RBMS3: variants seen among roughly 807,000 people sequenced by gnomAD.
RBMS3 encodes RNA-binding motif, single-stranded-interacting protein 3.
Under a neutral mutation model 66.8 loss-of-function variants are expected in RBMS3, and 27 were observed. The ratio of observed to expected loss-of-function variants is 0.40; its 90% CI spans 0.30 to 0.56. The LOEUF (loss-of-function observed/expected upper bound fraction) is 0.56, where lower values mean the gene tolerates loss of function less well. Among genes scored for constraint, RBMS3 ranks in the 20% least tolerant of loss-of-function variants. The probability of loss-of-function intolerance (pLI) is 0.40; values close to 1 mark genes in which losing one functional copy is unlikely to be tolerated. For synonymous variants in RBMS3, 188 were observed against 183.0 expected, an observed-to-expected ratio of 1.03 and a Z score of -0.22; for missense variants, 513 against 549.5, an observed-to-expected ratio of 0.93 and a Z score of 0.66.
intron 6 of RBMS3, among the ~76,000 whole-genome samples, chr3:29,813,496 G>GT (rs2057784385): frequency 6.6e-6 from 1 of 152,056 alleles, no homozygotes; most frequent in South Asian, 2.1e-4. Flanking sequence ...CTTTAAAGTA[G>GT]TTTTTTCCAA....
At chr3:29,599,453 CTAACA>C (rs1167786358) in intron 4 of RBMS3, among the ~76,000 whole-genome samples, 1 of 151,246 alleles carries the variant, frequency 6.6e-6, no homozygotes, top group Non-Finnish European at 1.5e-5. Context: ...GAGTGGCGGT[CTAACA>C]TAACAGTGAG....
chr3:29,522,092 TGAA>T (rs1337763700), intron 3 of RBMS3, among the ~76,000 whole-genome samples: 4 of 152,190 alleles, frequency 2.6e-5, no homozygotes, highest in Admixed American at 1.3e-4. Context: ...AGGCAGTTTA[TGAA>T]GAAGATTGTT....
At chr3:29,829,324 C>T (rs189750067) in intron 6 of RBMS3, among the ~76,000 whole-genome samples, 8 of 152,238 alleles carry the variant, frequency 5.3e-5, no homozygotes, top group Middle Eastern at 3.4e-3. Flanking sequence ...GGATTACAGG[C>T]GTGAGCCACC....
intron 3 of RBMS3, among the ~76,000 whole-genome samples, chr3:29,586,435 A>G (rs2047523121): frequency 6.6e-6 from 1 of 152,112 alleles, no homozygotes; most frequent in South Asian, 2.1e-4. Flanking sequence ...GCAACATAGT[A>G]TTTCTTATTT....
chr3:29,814,014 T>A (rs1185351489), intron 6 of RBMS3, among the ~76,000 whole-genome samples: 4 of 151,984 alleles, frequency 2.6e-5, no homozygotes, highest in Admixed American at 2.0e-4. Flanking sequence ...CTTCCAACAT[T>A]ATGTTGAATA....
chr3:29,762,882 T>C lies in RBMS3; in HGVS notation c.558-28T>C, dbSNP rs1483144288. 2.1e-6 allele frequency: 3 copies of C among 1,449,640 alleles called. No individual in the cohort carries two copies. In the Admixed American group the frequency reaches 5.4e-5, roughly 26 times the overall value. 89.8% of individuals were successfully genotyped at this position (1,449,640 alleles called of 1,614,324 possible). A position where few individuals can be genotyped will look rare whatever the true frequency, so the allele number is the denominator to read the frequency against. ...GTTTCTTTTTCTTGACAACCATATA[T>C]GACCTCTGGTTTACCTTTTTTTCCC... On this transcript the variant is annotated intron_variant, in intron 5 of 14. Transcript: ENST00000383767.
At position 29,654,556 on chromosome 3, in the gene RBMS3, G is replaced by A. The variant is rs796584995; in HGVS notation, c.399+67351G>A. Among the ~76,000 whole-genome samples, 217 of 150,700 alleles carry A rather than the reference G, an allele frequency of 1.4e-3. 6 individuals are homozygous for A. In the South Asian group the frequency reaches 0.038, roughly 26 times the overall value. On this transcript the variant is annotated intron_variant, in intron 4 of 14. Coordinates refer to ENST00000383767, the MANE Select transcript of RBMS3 (RefSeq NM_001003793.3). ...TGTGTGTGTGTGTGTGTGTGTGTGTGTGTGTGTGTGTGTGTGTATTGGGCA... is the reference window on the plus strand; with the variant it reads ...TGTGTGTGTGTGTGTGTGTGTGTGTATGTGTGTGTGTGTGTGTATTGGGCA...
intron 10 of RBMS3, among the ~76,000 whole-genome samples, chr3:29,912,451 T>C (rs2060540067): frequency 1.3e-5 from 2 of 152,070 alleles, no homozygotes; most frequent in South Asian, 2.1e-4. Flanking sequence ...AATATTGTCA[T>C]TGTCAGTAAG....
intron 4 of RBMS3, among the ~76,000 whole-genome samples, chr3:29,610,354 G>T (rs1384024066): frequency 6.6e-6 from 1 of 151,966 alleles, no homozygotes; most frequent in Non-Finnish European, 1.5e-5. Context: ...TCAAGTCCAG[G>T]CCTATGGATA....
At chr3:29,304,103 A>G (rs1475849713) in intron 1 of RBMS3, among the ~76,000 whole-genome samples, 1 of 152,036 alleles carries the variant, frequency 6.6e-6, no homozygotes, top group Non-Finnish European at 1.5e-5. Context: ...GTGGGGACAC[A>G]GAGCCAAACC....
chr3:29,709,887 A>G (rs1303176701), intron 4 of RBMS3, among the ~76,000 whole-genome samples: 1 of 152,188 alleles, frequency 6.6e-6, no homozygotes, highest in Non-Finnish European at 1.5e-5. Context: ...AGTCTTTTTG[A>G]TATTTTATCA....
chr3:29,944,060 G>A (rs888399755), intron 11 of RBMS3, 147 bp from the exon 12 acceptor site: 6 of 613,968 alleles, frequency 9.8e-6, no homozygotes, highest in Non-Finnish European at 1.7e-5. Context: ...ATGCAAATGA[G>A]GAATCCTAAT....
chr3:29,915,573 T>C (rs1443308441), intron 10 of RBMS3, among the ~76,000 whole-genome samples: 1 of 152,010 alleles, frequency 6.6e-6, no homozygotes, highest in Non-Finnish European at 1.5e-5. Flanking sequence ...GACAAATGTT[T>C]ACAAATTGGA....
At chr3:29,637,765 C>A (rs1290113796) in intron 4 of RBMS3, among the ~76,000 whole-genome samples, 1 of 151,816 alleles carries the variant, frequency 6.6e-6, no homozygotes, top group East Asian at 1.9e-4. Context: ...ATGTATAAAG[C>A]ATTTAGTGCC....
At chr3:29,532,236 G>GTATATATA (rs1559444666) in intron 3 of RBMS3, among the ~76,000 whole-genome samples, 4 of 84,886 alleles carry the variant, frequency 4.7e-5, no homozygotes, top group African/African-American at 1.3e-4. Context: ...TTTTAATTTC[G>GTATATATA]CATATATATG....
In RBMS3 at chr3:29,489,259, C is replaced by G. The variant is rs576213229; in HGVS notation, c.307+760C>G. The stretch of plus-strand genomic sequence containing the variant: ...GCCACGTTCATTCTAAACACTGCCT[C>G]TATTTCATATACAAACATAATGTGC... On this transcript the variant is annotated intron_variant, in intron 3 of 14. Transcript: ENST00000383767. 5.9e-5 allele frequency among the ~76,000 whole-genome samples: 9 copies of G among 152,242 alleles called. No homozygotes were observed. In the South Asian group the frequency reaches 6.2e-4, roughly 11 times the overall value.
chr3:29,481,827 T>C (rs1052201173), intron 2 of RBMS3, among the ~76,000 whole-genome samples: 2 of 152,230 alleles, frequency 1.3e-5, no homozygotes, highest in Admixed American at 1.3e-4. Flanking sequence ...TATTATTTTA[T>C]GCTATACAGT....
chr3:29,381,314 T>C (rs967786225), intron 1 of RBMS3, among the ~76,000 whole-genome samples: 4 of 152,176 alleles, frequency 2.6e-5, no homozygotes, highest in Non-Finnish European at 5.9e-5. Flanking sequence ...CTTATCAACA[T>C]CCTACCTGGT....
At chr3:29,464,798 T>C (rs1047855203) in intron 2 of RBMS3, among the ~76,000 whole-genome samples, 1 of 152,182 alleles carries the variant, frequency 6.6e-6, no homozygotes, top group Admixed American at 6.5e-5. Context: ...ACCTTATTCC[T>C]AGCTTCCAGC....
Sources: gnomAD v4.1 joint callset for allele counts (sites outside exome capture counted in the v4.1 genomes callset) on GRCh38, gnomAD v4.1.1 for gene constraint, MANE v1.5 for transcripts, NCBI Gene and HGNC (gene_info 2026-07-23, HGNC 2026-07-21) for gene names.